Variants in RP1 observed in about 807,000 individuals in gnomAD.
RP1 encodes oxygen-regulated protein 1.
A neutral mutation model predicts 14.8 loss-of-function variants in RP1; 16 were observed. The observed-to-expected ratio is 1.08, with a 90% CI of 0.73 to 1.65. The LOEUF (loss-of-function observed/expected upper bound fraction) is 1.65, where lower values mean the gene tolerates loss of function less well. Among genes scored for constraint, RP1 ranks in the 40% most tolerant of loss-of-function variants. RP1 has a pLI of 0.00. For missense variants in RP1, 2,631 were observed against 2,535.0 expected (o/e 1.04, Z -0.81); for synonymous variants, 876 against 883.6 (o/e 0.99, Z 0.15).
At chr8:54,761,228 CCTTA>C (rs1809631319) in intron 22 of RP1, among the ~76,000 whole-genome samples, 1 of 147,540 alleles carries the variant, frequency 6.8e-6, no homozygotes, top group African/African-American at 2.5e-5. Context: ...TCTTGCGCTA[CCTTA>C]CTTTTTTTTT....
chr8:54,845,978 G>T (rs1811909368), intron 25 of RP1, among the ~76,000 whole-genome samples: 1 of 152,178 alleles, frequency 6.6e-6, no homozygotes, highest in Non-Finnish European at 1.5e-5. Flanking sequence ...CCATTCAACA[G>T]ATAAACTTCT....
chr8:54,837,769 G>A, intron 25 of RP1: 1 of 598,824 alleles, frequency 1.7e-6, no homozygotes, highest in Non-Finnish European at 2.4e-6. Flanking sequence ...GGACCAGACA[G>A]TAAATATCTC....
Position 54,629,538 on chromosome 8 carries a change from A to C in RP1, c.5656A>C (p.Ile1886Leu), listed in dbSNP as rs765187462. 3.7e-6 allele frequency: 6 copies of C among 1,614,088 alleles called. No individual in the cohort carries two copies. The Admixed American group carries it at 8.3e-5, about 22-fold the overall frequency. Residue 1886 changes from isoleucine (I) to leucine (L), a missense_variant, in exon 4 of 4, where the codon ATT becomes CTT. Coordinates refer to ENST00000220676, the MANE Select transcript of RP1 (RefSeq NM_006269.2). ...AGTCTACCCTGTCTCTGATGATGCT[A>C]TTAAAAACCAACCATTGCCTGGCAG... ...NKVYPVSDDA[I>L]KNQPLPGSNM...
chr8:54,588,307 G>A (rs942003341), intron 1 of RP1, among the ~76,000 whole-genome samples: 4 of 152,122 alleles, frequency 2.6e-5, no homozygotes, highest in African/African-American at 9.7e-5. Context: ...AAGGGAGTTG[G>A]GTGCAAAAGA....
chr8:54,634,853 G>A (rs1415771026), downstream of RP1, among the ~76,000 whole-genome samples: 2 of 152,098 alleles, frequency 1.3e-5, no homozygotes, highest in Non-Finnish European at 2.9e-5. Flanking sequence ...AGGCCAAGGT[G>A]GGCGGATCAC....
intron 12 of RP1, among the ~76,000 whole-genome samples, chr8:54,695,957 A>T (rs1807849586): frequency 6.6e-6 from 1 of 152,146 alleles, no homozygotes; most frequent in African/African-American, 2.4e-5. Context: ...TTCCATTTGG[A>T]GTGGTCTATT....
chr8:54,670,657 T>A (rs1263985361), intron 7 of RP1, among the ~76,000 whole-genome samples: 1 of 96,440 alleles, frequency 1.0e-5, no homozygotes, highest in African/African-American at 4.2e-5. Context: ...TATTTATGAA[T>A]AATATATATG....
chr8:54,800,951 A>G (rs892936447), intron 24 of RP1, among the ~76,000 whole-genome samples: 5 of 152,204 alleles, frequency 3.3e-5, no homozygotes, highest in Non-Finnish European at 5.9e-5. Flanking sequence ...TGTGTTGTAT[A>G]GAACAGTAGA....
chr8:54,707,843 C>A (rs1432163317), intron 15 of RP1, among the ~76,000 whole-genome samples: 1 of 152,194 alleles, frequency 6.6e-6, no homozygotes, highest in Non-Finnish European at 1.5e-5. Flanking sequence ...CCCTGATCTA[C>A]CCACAAGTGC....
At chr8:54,620,719 G>A (rs1249780585) in intron 1 of RP1, among the ~76,000 whole-genome samples, 1 of 152,060 alleles carries the variant, frequency 6.6e-6, no homozygotes, top group Non-Finnish European at 1.5e-5. Flanking sequence ...CCTTATTCGT[G>A]TGTTTAGGTT....
intron 27 of RP1, among the ~76,000 whole-genome samples, chr8:54,859,461 G>A (rs1047970313): frequency 5.3e-5 from 8 of 151,532 alleles, no homozygotes; most frequent in African/African-American, 1.7e-4. Flanking sequence ...TGGTGTCACT[G>A]TAGCAGTGTC....
At chr8:54,847,580 G>A (rs1374557737) in intron 25 of RP1, among the ~76,000 whole-genome samples, 1 of 152,236 alleles carries the variant, frequency 6.6e-6, no homozygotes, top group Non-Finnish European at 1.5e-5. Flanking sequence ...TCTGAGACGA[G>A]GCCATCCAGG....
chr8:54,600,709 T>C (rs1240331815), intron 1 of RP1, among the ~76,000 whole-genome samples: 3 of 152,152 alleles, frequency 2.0e-5, no homozygotes, highest in Admixed American at 6.5e-5. Flanking sequence ...TATTTTCCTG[T>C]GGTGTTTGGC....
At chr8:54,754,610 T>C (rs952108251) in intron 19 of RP1, among the ~76,000 whole-genome samples, 6 of 152,194 alleles carry the variant, frequency 3.9e-5, no homozygotes, top group African/African-American at 1.4e-4. Flanking sequence ...TGTGGTTTTG[T>C]CATTAAAAGT....
At chr8:54,685,956 C>G (rs1053068482) in intron 12 of RP1, among the ~76,000 whole-genome samples, 1 of 152,204 alleles carries the variant, frequency 6.6e-6, no homozygotes, top group Non-Finnish European at 1.5e-5. Context: ...ACAGCCCCAG[C>G]TGAATCTCCA....
At chr8:54,714,464 C>T (rs988711781) in intron 15 of RP1, among the ~76,000 whole-genome samples, 2 of 152,142 alleles carry the variant, frequency 1.3e-5, no homozygotes, top group African/African-American at 4.8e-5. Flanking sequence ...TTCTGATGGA[C>T]CAGCTGGTGC....
At chr8:54,777,957 A>T (rs1481155704) in intron 23 of RP1, among the ~76,000 whole-genome samples, 1 of 152,226 alleles carries the variant, frequency 6.6e-6, no homozygotes, top group African/African-American at 2.4e-5. Flanking sequence ...GTTTTTGTTA[A>T]TTGATAAATA....
intron 7 of RP1, among the ~76,000 whole-genome samples, chr8:54,669,964 A>T (rs1000615165): frequency 2.0e-5 from 3 of 152,182 alleles, no homozygotes; most frequent in African/African-American, 7.2e-5. Flanking sequence ...CCAACATGGC[A>T]CATGTATACC....
intron 24 of RP1, among the ~76,000 whole-genome samples, chr8:54,820,040 T>C (rs781761304): frequency 1.6e-4 from 24 of 152,250 alleles, no homozygotes; most frequent in South Asian, 4.1e-4. Flanking sequence ...GTCTATCCCT[T>C]CAGGGCAACT....
Sources: gnomAD v4.1 joint callset for allele counts (sites outside exome capture counted in the v4.1 genomes callset) on GRCh38, gnomAD v4.1.1 for gene constraint, MANE v1.5 for transcripts, NCBI Gene and HGNC (gene_info 2026-07-23, HGNC 2026-07-21) for gene names.